Variants in TMEM135 observed in about 807,000 individuals in gnomAD.
TMEM135 encodes peroxisomal membrane protein 52.
Under a neutral mutation model 60.3 loss-of-function variants are expected in TMEM135, and 30 were observed. The observed-to-expected ratio is 0.50, with a 90% CI of 0.37 to 0.68. TMEM135 has a LOEUF of 0.68. Among genes scored for constraint, TMEM135 ranks in the 30% least tolerant of loss-of-function variants. The pLI, the probability that TMEM135 is intolerant of heterozygous loss-of-function variation, is 0.00. For missense variants in TMEM135, 468 were observed against 548.8 expected, an observed-to-expected ratio of 0.85 and a Z score of 1.47; for synonymous variants, 190 against 186.7, an observed-to-expected ratio of 1.02 and a Z score of -0.14.
chr11:87,161,546 A>G (rs192949077), intron 5 of TMEM135, among the ~76,000 whole-genome samples: 55 of 152,290 alleles, frequency 3.6e-4, no homozygotes, highest in African/African-American at 1.3e-3. Flanking sequence ...ACAAAGTTTA[A>G]CAATTCTTTA....
rs749527932 is a variant in TMEM135, at chr11:87,321,462, T to C, written c.*129T>C. 5.6e-6 allele frequency: 6 copies of C among 1,071,432 alleles called. No homozygotes were observed. The highest frequency in any genetic ancestry group is 7.0e-6 in the Non-Finnish European group (5 of 710,430). The allele number at this position is 1,071,432 out of a possible 1,614,324, so 66.4% of individuals were successfully genotyped here. On this transcript the variant is annotated 3_prime_UTR_variant, in exon 15 of 15. Transcript: ENST00000305494. ...GTTAGAGATACTCTTTTCATTTGTTTTGTTTTTCTTATGAATCAGAAATTC... is the reference window on the plus strand; with the variant it reads ...GTTAGAGATACTCTTTTCATTTGTTCTGTTTTTCTTATGAATCAGAAATTC...
intron 6 of TMEM135, among the ~76,000 whole-genome samples, chr11:87,271,109 C>T (rs958628356): frequency 1.3e-5 from 2 of 152,232 alleles, no homozygotes; most frequent in South Asian, 4.1e-4. Context: ...TATCAGTTTA[C>T]TTTTAGGAAG....
chr11:87,053,129 A>T (rs1271592132), intron 1 of TMEM135, among the ~76,000 whole-genome samples: 1 of 121,708 alleles, frequency 8.2e-6, no homozygotes, highest in African/African-American at 3.3e-5. Context: ...TCACATGGAC[A>T]CAGGAAGGGG....
intron 3 of TMEM135, among the ~76,000 whole-genome samples, chr11:87,081,801 C>T (rs1174322078): frequency 2.0e-5 from 3 of 151,708 alleles, no homozygotes; most frequent in African/African-American, 7.3e-5. Context: ...CAGATTATGA[C>T]CTATTCTAAA....
At chr11:87,039,405 G>T (rs76474737) in intron 1 of TMEM135, among the ~76,000 whole-genome samples, 7,625 of 152,188 alleles carry the variant, frequency 0.05, 200 homozygotes, top group Middle Eastern at 0.071. Context: ...TAACAAACTC[G>T]TGGTAATGCT....
Position 87,139,641 on chromosome 11 carries a change from G to GTTTGGA in TMEM135, c.397-17700_397-17699insTTTGGA. Among the ~76,000 whole-genome samples, 3 of 152,272 alleles carry GTTTGGA rather than the reference G, an allele frequency of 2.0e-5. No homozygotes were observed. In the East Asian group the frequency reaches 5.8e-4, roughly 29 times the overall value. ...AAACTGACAAATTGTTTTCCAAACT[G>GTTTGGA]ACTGTACCATTTTGCCTTCCCGCCA... On this transcript the variant is annotated intron_variant, in intron 4 of 14. Coordinates refer to ENST00000305494, the MANE Select transcript of TMEM135 (RefSeq NM_022918.4).
At chr11:87,093,421 C>T (rs567438892) in intron 4 of TMEM135, among the ~76,000 whole-genome samples, 23 of 152,072 alleles carry the variant, frequency 1.5e-4, no homozygotes, top group Admixed American at 5.2e-4. Context: ...ATGTTGCCTA[C>T]GCTGGTCTCA....
chr11:87,103,363 T>C (rs1387476308), intron 4 of TMEM135, among the ~76,000 whole-genome samples: 9 of 152,210 alleles, frequency 5.9e-5, no homozygotes, highest in Non-Finnish European at 1.3e-4. Flanking sequence ...CTTTTGACTT[T>C]GATAGTAGCC....
intron 1 of TMEM135, among the ~76,000 whole-genome samples, chr11:87,065,232 T>G (rs1182653429): frequency 6.6e-6 from 1 of 152,226 alleles, no homozygotes; most frequent in Non-Finnish European, 1.5e-5. Flanking sequence ...CTGGGACAAA[T>G]AATAGTTGAT....
chr11:87,272,141 C>T (rs1215047924), intron 6 of TMEM135, among the ~76,000 whole-genome samples: 1 of 150,526 alleles, frequency 6.6e-6, no homozygotes, highest in Non-Finnish European at 1.5e-5. Context: ...GCAACCTCCC[C>T]CTCCCTGGTT....
At chr11:87,083,788 G>A (rs536183248) in intron 3 of TMEM135, among the ~76,000 whole-genome samples, 16 of 152,136 alleles carry the variant, frequency 1.1e-4, no homozygotes, top group African/African-American at 3.6e-4. Flanking sequence ...ATGCCTCAAG[G>A]AAGTATTTTT....
chr11:87,215,346 C>T (rs145966285), intron 5 of TMEM135, among the ~76,000 whole-genome samples: 5 of 152,264 alleles, frequency 3.3e-5, no homozygotes, highest in East Asian at 1.9e-4. Context: ...TTTATTTGCT[C>T]ATGATTCTGT....
chr11:87,107,704 A>C (rs1327153346), intron 4 of TMEM135, among the ~76,000 whole-genome samples: 2 of 152,196 alleles, frequency 1.3e-5, no homozygotes, highest in African/African-American at 4.8e-5. Flanking sequence ...TGCTATTGTG[A>C]ATAGTGCCAC....
At chr11:87,157,662 A>G in intron 5 of TMEM135, 3 of 372,702 alleles carry the variant, frequency 8.0e-6, no homozygotes, top group South Asian at 3.1e-5. Context: ...ATGACATTTT[A>G]TTAGTAACTT....
intron 6 of TMEM135, among the ~76,000 whole-genome samples, chr11:87,262,507 C>T (rs1044432187): frequency 6.6e-6 from 1 of 152,142 alleles, no homozygotes; most frequent in Non-Finnish European, 1.5e-5. Flanking sequence ...TTAGCCATTT[C>T]GATTTCCTAC....
At chr11:87,202,390 A>G (rs1442449619) in intron 5 of TMEM135, among the ~76,000 whole-genome samples, 3 of 152,044 alleles carry the variant, frequency 2.0e-5, no homozygotes, top group Non-Finnish European at 2.9e-5. Context: ...CAGTGGTGCA[A>G]TCTCGGCTTA....
chr11:87,150,922 C>T (rs1025217297), intron 4 of TMEM135, among the ~76,000 whole-genome samples: 2 of 152,000 alleles, frequency 1.3e-5, no homozygotes, highest in African/African-American at 4.8e-5. Flanking sequence ...TTAGATCTTG[C>T]AAATCTGGAA....
chr11:87,100,101 A>G (rs1294473468), intron 4 of TMEM135, among the ~76,000 whole-genome samples: 1 of 152,170 alleles, frequency 6.6e-6, no homozygotes, highest in African/African-American at 2.4e-5. Flanking sequence ...TTGAGGGGGT[A>G]CATTTGTCTG....
intron 4 of TMEM135, among the ~76,000 whole-genome samples, chr11:87,129,213 A>ATTTTTTTTTTTTTTT (rs71040295): frequency 7.7e-5 from 9 of 116,262 alleles, no homozygotes; most frequent in Non-Finnish European, 1.5e-4. Context: ...TTATTCCTTA[A>ATTTTTTTTTTTTTTT]TTTTTTTTTT....
Sources: allele counts gnomAD v4.1 joint callset (sites outside exome capture counted in the v4.1 genomes callset), GRCh38; gene constraint gnomAD v4.1.1; transcripts MANE v1.5; gene names NCBI Gene and HGNC (gene_info 2026-07-23, HGNC 2026-07-21).